FBXL17: variants seen among roughly 807,000 people sequenced by gnomAD.
The protein encoded by FBXL17 is F-box/LRR-repeat protein 17.
A neutral mutation model predicts 66.2 loss-of-function variants in FBXL17; 22 were observed. The observed-to-expected ratio is 0.33, with a 90% CI of 0.24 to 0.47. The LOEUF is 0.47. FBXL17 is among the 20% of genes least tolerant of loss of function. The pLI, the probability that FBXL17 is intolerant of heterozygous loss-of-function variation, is 1.00. For missense variants in FBXL17, 878 were observed against 948.2 expected (o/e 0.93, Z 0.97); for synonymous variants, 474 against 400.5 (o/e 1.18, Z -2.19).
chr5:107,931,264 T>TTA (rs1561326350), intron 7 of FBXL17, among the ~76,000 whole-genome samples: 32 of 151,536 alleles, frequency 2.1e-4, no homozygotes, highest in Non-Finnish European at 3.5e-4. Context: ...AGAATTTTTT[T>TTA]TTTTTTTTTT....
intron 6 of FBXL17, among the ~76,000 whole-genome samples, chr5:108,184,118 A>G (rs1753124343): frequency 1.3e-5 from 2 of 152,114 alleles, no homozygotes; most frequent in Admixed American, 1.3e-4. Flanking sequence ...ATAAAAGGAA[A>G]TTTAAAAAGG....
At chr5:108,000,326 T>C (rs1329321821) in intron 7 of FBXL17, among the ~76,000 whole-genome samples, 2 of 152,204 alleles carry the variant, frequency 1.3e-5, no homozygotes, top group Non-Finnish European at 2.9e-5. Context: ...AATAGAAAGA[T>C]GTGGGTACAC....
chr5:108,317,423 ATT>A (rs1450202377), intron 4 of FBXL17, among the ~76,000 whole-genome samples: 2 of 150,962 alleles, frequency 1.3e-5, no homozygotes, highest in African/African-American at 4.8e-5. Context: ...AACTACCCTG[ATT>A]TGATCATTAC....
At chr5:108,098,915 G>C (rs1451378627) in intron 6 of FBXL17, among the ~76,000 whole-genome samples, 3 of 152,006 alleles carry the variant, frequency 2.0e-5, no homozygotes, top group Non-Finnish European at 4.4e-5. Flanking sequence ...TAACTTCTTA[G>C]CTAGGATGTA....
chr5:107,930,196 G>A (rs1031918321), intron 7 of FBXL17, among the ~76,000 whole-genome samples: 3 of 152,108 alleles, frequency 2.0e-5, no homozygotes, highest in Admixed American at 6.6e-5. Context: ...ACATTACCAC[G>A]GCCTATATGA....
intron 7 of FBXL17, among the ~76,000 whole-genome samples, chr5:107,981,217 T>C (rs965483445): frequency 6.6e-6 from 1 of 151,700 alleles, no homozygotes; most frequent in Non-Finnish European, 1.5e-5. Context: ...TAGAAAGGAG[T>C]TGGAGATAAC....
At chr5:108,137,798 C>G (rs1423004508) in intron 6 of FBXL17, among the ~76,000 whole-genome samples, 1 of 152,074 alleles carries the variant, frequency 6.6e-6, no homozygotes, top group African/African-American at 2.4e-5. Flanking sequence ...CAAAATGAAA[C>G]CTCAAATGTT....
intron 4 of FBXL17, among the ~76,000 whole-genome samples, chr5:108,259,147 T>C (rs11949491): frequency 0.011 from 1,676 of 152,188 alleles, 46 homozygotes; most frequent in African/African-American, 0.038. Flanking sequence ...GCACAAACAA[T>C]ACTGTTTTTC....
chr5:108,114,141 A>C (rs2149956497), intron 6 of FBXL17, among the ~76,000 whole-genome samples: 1 of 152,300 alleles, frequency 6.6e-6, no homozygotes, highest in Non-Finnish European at 1.5e-5. Flanking sequence ...ATCATTCTGT[A>C]ATAAATAAAC....
chr5:108,381,963 G>C lies in FBXL17; in HGVS notation c.-272C>G. On this transcript the variant is annotated 5_prime_UTR_variant, in exon 1 of 9. Coordinates refer to ENST00000542267, the MANE Select transcript of FBXL17 (RefSeq NM_001163315.3). ...TGGGGACGCGAGGGAGGGAGCGAGC[G>C]AGCCTGCCGGCTAGGCGACCAGTCC... 8.1e-7 allele frequency: 1 copy of C among 1,229,246 alleles called. No homozygotes were observed. Among genetic ancestry groups the C allele is most frequent in the Non-Finnish European group, 1.0e-6 (1 of 983,428 alleles). The allele number at this position is 1,229,246 out of a possible 1,614,324, so 76.1% of individuals were successfully genotyped here. A position where few individuals can be genotyped will look rare whatever the true frequency, so the allele number is the denominator to read the frequency against.
chr5:108,113,503 G>A (rs767242437), intron 6 of FBXL17, among the ~76,000 whole-genome samples: 1 of 151,952 alleles, frequency 6.6e-6, no homozygotes, highest in African/African-American at 2.4e-5. Context: ...ATGAATGGGG[G>A]TAATAAATGT....
At chr5:107,891,649 GAAA>G (rs891206118) in intron 7 of FBXL17, among the ~76,000 whole-genome samples, 1 of 151,284 alleles carries the variant, frequency 6.6e-6, no homozygotes, top group African/African-American at 2.4e-5. Context: ...GATGTAAAAA[GAAA>G]AAAAAATTTT....
intron 4 of FBXL17, among the ~76,000 whole-genome samples, chr5:108,305,344 T>C (rs1363449934): frequency 6.6e-6 from 1 of 151,874 alleles, no homozygotes; most frequent in Admixed American, 6.6e-5. Context: ...AGGGAAAGCA[T>C]CAGGGAAGAA....
intron 1 of FBXL17, among the ~76,000 whole-genome samples, chr5:108,377,894 C>T (rs1055464285): frequency 2.6e-5 from 4 of 152,224 alleles, no homozygotes; most frequent in Non-Finnish European, 4.4e-5. Flanking sequence ...ATGGTCACTG[C>T]AACCAAGTAG....
intron 7 of FBXL17, among the ~76,000 whole-genome samples, chr5:107,920,749 C>T (rs868347199): frequency 1.3e-5 from 2 of 152,140 alleles, no homozygotes; most frequent in South Asian, 4.2e-4. Context: ...AGAGTGAATC[C>T]TTCTCCAGGA....
At chr5:107,913,679 C>T (rs1159015928) in intron 7 of FBXL17, among the ~76,000 whole-genome samples, 3 of 152,124 alleles carry the variant, frequency 2.0e-5, no homozygotes, top group East Asian at 1.9e-4. Context: ...CACACTCTAA[C>T]GCTTAGACTC....
chr5:108,069,382 T>C (rs1334539848), intron 6 of FBXL17, among the ~76,000 whole-genome samples: 1 of 152,212 alleles, frequency 6.6e-6, no homozygotes, highest in African/African-American at 2.4e-5. Flanking sequence ...ACATTAAGGA[T>C]ATACTATTTT....
chr5:108,051,681 T>A (rs769678898), intron 6 of FBXL17, among the ~76,000 whole-genome samples: 1 of 152,026 alleles, frequency 6.6e-6, no homozygotes, highest in East Asian at 1.9e-4. Flanking sequence ...AAAATCAGTA[T>A]AAGACAAGGA....
intron 6 of FBXL17, among the ~76,000 whole-genome samples, chr5:108,048,690 G>C (rs997153627): frequency 2.0e-5 from 3 of 152,164 alleles, no homozygotes; most frequent in Non-Finnish European, 4.4e-5. Context: ...AATCAACCAA[G>C]TGGAAGAAAG....
Sources: allele counts gnomAD v4.1 joint callset (sites outside exome capture counted in the v4.1 genomes callset), GRCh38; gene constraint gnomAD v4.1.1; transcripts MANE v1.5; gene names NCBI Gene and HGNC (gene_info 2026-07-23, HGNC 2026-07-21).